DMD: variants seen among roughly 807,000 people sequenced by gnomAD.
DMD encodes mutant dystrophin.
In DMD, 63 loss-of-function variants were observed where a neutral mutation model predicts 330.1. That is an observed-to-expected ratio of 0.19 (90% confidence interval 0.16 to 0.24). The LOEUF (loss-of-function observed/expected upper bound fraction) is 0.24. Among genes scored for constraint, DMD ranks in the 10% least tolerant of loss-of-function variants. The probability of loss-of-function intolerance (pLI) is 1.00; values close to 1 mark genes in which losing one functional copy is unlikely to be tolerated. For synonymous variants in DMD, 1,223 were observed against 959.8 expected (o/e 1.27, Z -5.07); for missense variants, 3,344 against 2,684.1 (o/e 1.25, Z -5.43).
intron 1 of DMD, among the ~76,000 whole-genome samples, chrX:33,174,110 G>A (rs2049514674): frequency 9.2e-6 from 1 of 108,635 alleles, no homozygotes; most frequent in South Asian, 4.0e-4. Flanking sequence ...GAATGACAAG[G>A]GTCCTCACAG....
Position 31,729,703 on chromosome X carries a change from G to C in DMD, c.7588C>G (p.Leu2530Val). 8.3e-7 allele frequency: 1 copy of C among 1,211,666 alleles called. No individual in the cohort carries two copies. The highest frequency in any genetic ancestry group is 1.1e-6 in the Non-Finnish European group (1 of 895,445). The change falls in exon 52 of 79, where the codon CTC becomes GTC. Residue 2530 changes from leucine to valine, a missense_variant. Coordinates refer to ENST00000357033, the MANE Select transcript of DMD (RefSeq NM_004006.3). ...LEQRRPQLEE[L>V]ITAAQNLKNK... ...TTCAAATTTTGGGCAGCGGTAATGA[G>C]TTCTTCCAACTGGGGACGCCTCTGT...
intron 1 of DMD, among the ~76,000 whole-genome samples, chrX:33,225,636 G>A (rs2052271922): frequency 9.0e-6 from 1 of 111,527 alleles, no homozygotes; most frequent in Non-Finnish European, 1.9e-5. Context: ...ATACAGGAGA[G>A]TCTTCAGGAT....
At chrX:31,816,380 T>C (rs1033827887) in intron 50 of DMD, among the ~76,000 whole-genome samples, 2 of 111,361 alleles carry the variant, frequency 1.8e-5, no homozygotes, top group Admixed American at 9.6e-5. Context: ...CCTCAGCTTC[T>C]ACATCTATAA....
intron 52 of DMD, among the ~76,000 whole-genome samples, chrX:31,683,896 A>T (rs1361610565): frequency 8.9e-6 from 1 of 112,509 alleles, no homozygotes; most frequent in East Asian, 2.8e-4. Flanking sequence ...TCCTTGCATT[A>T]ATCACTTAAT....
chrX:32,284,700 T>C (rs1464327637), intron 43 of DMD, among the ~76,000 whole-genome samples: 1 of 112,115 alleles, frequency 8.9e-6, no homozygotes, highest in Non-Finnish European at 1.9e-5. Flanking sequence ...CAAGGGCACA[T>C]AGATAGCAGA....
intron 2 of DMD, among the ~76,000 whole-genome samples, chrX:32,886,106 C>T (rs1434486580): frequency 9.0e-6 from 1 of 110,963 alleles, no homozygotes; most frequent in Non-Finnish European, 1.9e-5. Context: ...TGGCAGCTTT[C>T]CTGGAATATA....
chrX:31,527,197 T>C (rs1453840450), intron 55 of DMD, among the ~76,000 whole-genome samples: 1 of 111,713 alleles, frequency 9.0e-6, no homozygotes, highest in African/African-American at 3.3e-5. Context: ...GAATGCAAAG[T>C]AAAAATATTC....
chrX:33,054,615 C>T (rs1448752737), intron 1 of DMD, among the ~76,000 whole-genome samples: 1 of 111,916 alleles, frequency 8.9e-6, no homozygotes, highest in East Asian at 2.8e-4. Context: ...TTGAAGAAAC[C>T]GCAGAAGGTT....
chrX:32,480,726 C>T (rs996630040), intron 21 of DMD, among the ~76,000 whole-genome samples: 12 of 109,945 alleles, frequency 1.1e-4, no homozygotes, highest in African/African-American at 3.0e-4. Context: ...TGGCATTTAG[C>T]GAGTTTTCCC....
intron 1 of DMD, among the ~76,000 whole-genome samples, chrX:33,071,422 TAA>T (rs747432653): frequency 9.9e-5 from 7 of 71,062 alleles, no homozygotes; most frequent in East Asian, 8.2e-4. Flanking sequence ...CTGTCCTGAT[TAA>T]AAAAAAAAAA....
At chrX:31,494,095 G>A (rs765807201) in intron 57 of DMD, among the ~76,000 whole-genome samples, 17 of 104,808 alleles carry the variant, frequency 1.6e-4, no homozygotes, top group Non-Finnish European at 2.7e-4. Context: ...GGCGGAGGTT[G>A]CAGTGAGCCA....
At chrX:32,842,997 G>A (rs1297185407) in intron 4 of DMD, among the ~76,000 whole-genome samples, 2 of 110,681 alleles carry the variant, frequency 1.8e-5, no homozygotes, top group Admixed American at 9.6e-5. Context: ...TAGTAGAGAC[G>A]GGGTTTCGCC....
chrX:33,039,243 A>C (rs971299726), intron 1 of DMD, among the ~76,000 whole-genome samples: 25 of 111,282 alleles, frequency 2.2e-4, no homozygotes, highest in Admixed American at 3.8e-4. Flanking sequence ...CCATGTTTCA[A>C]CTTCAAAAGT....
intron 13 of DMD, among the ~76,000 whole-genome samples, chrX:32,595,484 C>T (rs750127240): frequency 1.8e-5 from 2 of 111,375 alleles, no homozygotes; most frequent in Non-Finnish European, 3.8e-5. Context: ...AGTAACCTCC[C>T]TTCAACCCCT....
At chrX:33,258,227 G>A (rs1248352628) in intron 1 of DMD, among the ~76,000 whole-genome samples, 1 of 111,308 alleles carries the variant, frequency 9.0e-6, no homozygotes, top group Non-Finnish European at 1.9e-5. Context: ...TTTGAACTGT[G>A]AGTAACTGTA....
intron 60 of DMD, among the ~76,000 whole-genome samples, chrX:31,354,533 C>T (rs1198835309): frequency 2.7e-5 from 3 of 111,046 alleles, no homozygotes; most frequent in Non-Finnish European, 5.7e-5. Context: ...CCCTGAAGTC[C>T]AAATCTCCTC....
At chrX:33,330,559 C>T (rs186388960) in intron 1 of DMD, among the ~76,000 whole-genome samples, 135 of 111,741 alleles carry the variant, frequency 1.2e-3, no homozygotes, top group Non-Finnish European at 3.4e-4. Context: ...CAGGGATAGA[C>T]GTACATAAAC....
At chrX:31,289,219 C>T (rs1407616717) in intron 62 of DMD, among the ~76,000 whole-genome samples, 2 of 89,659 alleles carry the variant, frequency 2.2e-5, no homozygotes, top group Admixed American at 1.3e-4. Context: ...GTGGAGGTTG[C>T]AGTCCACTGC....
At chrX:32,776,292 C>A (rs757208695) in intron 7 of DMD, among the ~76,000 whole-genome samples, 137 of 107,833 alleles carry the variant, frequency 1.3e-3, no homozygotes, top group Admixed American at 3.1e-3. Flanking sequence ...ACCCCCCCCC[C>A]AAATTGTTCC....
Sources: allele counts gnomAD v4.1 joint callset (sites outside exome capture counted in the v4.1 genomes callset), GRCh38; gene constraint gnomAD v4.1.1; transcripts MANE v1.5; gene names NCBI Gene and HGNC (gene_info 2026-07-23, HGNC 2026-07-21).